Variants in HDAC9 observed in about 807,000 individuals in gnomAD.
The protein encoded by HDAC9 is histone deacetylase 9, also known as MEF-2 interacting transcription repressor (MITR) protein.
HDAC9 carries 41 observed loss-of-function variants against 139.4 expected under a neutral mutation model. The observed-to-expected ratio is 0.29, with a 90% CI of 0.23 to 0.38. The LOEUF (loss-of-function observed/expected upper bound fraction) is 0.38, where lower values mean the gene tolerates loss of function less well. Ranked by LOEUF, HDAC9 falls within the 10% of genes least tolerant of loss-of-function variation. HDAC9 has a pLI of 1.00. For missense variants in HDAC9, 1,147 were observed against 1,297.0 expected (o/e 0.88, Z 1.78); for synonymous variants, 517 against 476.2 (o/e 1.09, Z -1.12).
chr7:18,666,201 A>G lies in HDAC9; in HGVS notation c.1468-12A>G, dbSNP rs1794814825. On this transcript the variant is annotated splice_polypyrimidine_tract_variant and intron_variant, in intron 11 of 25. Transcript: ENST00000686413. ...ACTACTGAATTTTGAACCCCTGAAC[A>G]CTCTCTTCTAGCTGCTTTCGAAATC... The G allele has an allele frequency of 6.3e-7, 1 of 1,596,794 alleles. No homozygotes were observed. The highest frequency in any genetic ancestry group is 8.6e-7 in the Non-Finnish European group (1 of 1,169,210).
chr7:18,869,878 G>T (rs943619688), intron 21 of HDAC9, among the ~76,000 whole-genome samples: 147 of 113,114 alleles, frequency 1.3e-3, no homozygotes, highest in Middle Eastern at 5.2e-3. Flanking sequence ...TCTTTTTTGG[G>T]TTTTTTTTGT....
At chr7:18,130,597 A>G (rs1784939702) in intron 1 of HDAC9, among the ~76,000 whole-genome samples, 1 of 152,140 alleles carries the variant, frequency 6.6e-6, no homozygotes, top group African/African-American at 2.4e-5. Context: ...TTGTGCACCC[A>G]TCACTACAAT....
At chr7:18,512,161 C>G (rs1177254388) in intron 2 of HDAC9, among the ~76,000 whole-genome samples, 3 of 152,052 alleles carry the variant, frequency 2.0e-5, no homozygotes, top group Non-Finnish European at 4.4e-5. Flanking sequence ...TTCACCCTAT[C>G]TGAAACTTTA....
intron 6 of HDAC9, among the ~76,000 whole-genome samples, chr7:18,611,643 T>C (rs1206343052): frequency 6.6e-6 from 1 of 152,110 alleles, no homozygotes; most frequent in Non-Finnish European, 1.5e-5. Context: ...ACTTATTCTT[T>C]GAACACGAAT....
intron 1 of HDAC9, among the ~76,000 whole-genome samples, chr7:18,309,340 T>C (rs530165880): frequency 6.6e-6 from 1 of 152,318 alleles, no homozygotes; most frequent in East Asian, 1.9e-4. Context: ...TTGTTTAAAT[T>C]TAGATACTGT....
At chr7:18,653,023 G>A (rs1789824847) in intron 11 of HDAC9, among the ~76,000 whole-genome samples, 1 of 152,048 alleles carries the variant, frequency 6.6e-6, no homozygotes, top group Non-Finnish European at 1.5e-5. Flanking sequence ...GATAAGCTGA[G>A]GTGGGGAGTT....
chr7:18,461,121 C>T (rs1226070158), intron 1 of HDAC9, among the ~76,000 whole-genome samples: 2 of 152,072 alleles, frequency 1.3e-5, no homozygotes, highest in South Asian at 2.1e-4. Context: ...CGTGTGCATG[C>T]GTATACATAC....
At chr7:18,693,713 G>A (rs530732109) in intron 12 of HDAC9, among the ~76,000 whole-genome samples, 5 of 152,216 alleles carry the variant, frequency 3.3e-5, no homozygotes, top group South Asian at 2.1e-4. Context: ...TATGTACTCC[G>A]GAAGTGACCC....
At chr7:18,532,748 C>G (rs571091833) in intron 2 of HDAC9, among the ~76,000 whole-genome samples, 2 of 151,582 alleles carry the variant, frequency 1.3e-5, no homozygotes, top group East Asian at 1.9e-4. Flanking sequence ...TAGCAGTTCT[C>G]TACTCTGCCT....
At chr7:18,128,508 G>A (rs1273214924) in intron 1 of HDAC9, among the ~76,000 whole-genome samples, 7 of 151,994 alleles carry the variant, frequency 4.6e-5, no homozygotes, top group Non-Finnish European at 1.0e-4. Flanking sequence ...GAAGCCTCAA[G>A]CCACATGAAC....
intron 21 of HDAC9, among the ~76,000 whole-genome samples, chr7:18,866,234 A>C (rs935752756): frequency 6.6e-6 from 1 of 151,546 alleles, no homozygotes; most frequent in Non-Finnish European, 1.5e-5. Flanking sequence ...GGCTATGTCC[A>C]CCTCAGAACG....
At chr7:18,669,802 T>C (rs1184763353) in intron 12 of HDAC9, among the ~76,000 whole-genome samples, 1 of 151,868 alleles carries the variant, frequency 6.6e-6, no homozygotes, top group African/African-American at 2.4e-5. Context: ...AAATAGTTAT[T>C]GCCAAGTCTT....
chr7:18,605,892 G>A (rs1380041531), intron 6 of HDAC9, among the ~76,000 whole-genome samples: 1 of 146,420 alleles, frequency 6.8e-6, no homozygotes, highest in Non-Finnish European at 1.5e-5. Context: ...GTGTTAGCCA[G>A]GATGGTCTCC....
At chr7:18,459,002 G>A in intron 1 of HDAC9, 4 of 868,200 alleles carry the variant, frequency 4.6e-6, no homozygotes, top group South Asian at 1.5e-5. Context: ...GCTGCGGTCA[G>A]CAACAACTTG....
chr7:18,592,947 A>G (rs989073200), intron 5 of HDAC9, among the ~76,000 whole-genome samples: 33 of 152,154 alleles, frequency 2.2e-4, no homozygotes, highest in African/African-American at 8.0e-4. Flanking sequence ...TTTGTCGGTT[A>G]AAGTTCATTA....
chr7:18,138,527 G>GTGTGTGTGT (rs373098473), intron 1 of HDAC9, among the ~76,000 whole-genome samples: 1 of 142,586 alleles, frequency 7.0e-6, no homozygotes, highest in Non-Finnish European at 1.5e-5. Context: ...GAGAGAGAGA[G>GTGTGTGTGT]GTGTGTGTGT....
chr7:18,293,020 A>G (rs1401855169), intron 1 of HDAC9, among the ~76,000 whole-genome samples: 1 of 151,568 alleles, frequency 6.6e-6, no homozygotes, highest in Non-Finnish European at 1.5e-5. Flanking sequence ...ACTCAAGGGG[A>G]CATGGTCTAA....
At chr7:18,740,194 A>C (rs1349769073) in intron 13 of HDAC9, among the ~76,000 whole-genome samples, 1 of 152,158 alleles carries the variant, frequency 6.6e-6, no homozygotes, top group Non-Finnish European at 1.5e-5. Flanking sequence ...CTTGGCTAGG[A>C]AAGGGAAATC....
At chr7:18,216,102 G>T (rs112195692) in intron 2 of HDAC9, among the ~76,000 whole-genome samples, 1 of 104,462 alleles carries the variant, frequency 9.6e-6, no homozygotes, top group Non-Finnish European at 1.8e-5. Flanking sequence ...GTGTGCCTGC[G>T]TGTCTGTGTG....
Sources: gnomAD v4.1 joint callset for allele counts (sites outside exome capture counted in the v4.1 genomes callset) on GRCh38, gnomAD v4.1.1 for gene constraint, MANE v1.5 for transcripts, NCBI Gene and HGNC (gene_info 2026-07-23, HGNC 2026-07-21) for gene names.